The following VWC2L variants were observed in gnomAD, a reference collection of about 807,000 sequenced individuals.
VWC2L encodes von Willebrand factor C domain-containing protein 2-like.
Under a neutral mutation model 21.6 loss-of-function variants are expected in VWC2L, and 10 were observed. The observed-to-expected ratio is 0.46, with a 90% confidence interval of 0.29 to 0.78. VWC2L has a LOEUF of 0.78. Among genes scored for constraint, VWC2L ranks in the 30% least tolerant of loss-of-function variants. The probability of loss-of-function intolerance (pLI) is 0.10; values close to 1 mark genes in which losing one functional copy is unlikely to be tolerated. For missense variants in VWC2L, 209 were observed against 277.1 expected (o/e 0.75, Z 1.74); for synonymous variants, 96 against 94.3 (o/e 1.02, Z -0.10).
chr2:214,570,542 T>G (rs1332860776), intron 3 of VWC2L, among the ~76,000 whole-genome samples: 1 of 151,980 alleles, frequency 6.6e-6, no homozygotes, highest in Non-Finnish European at 1.5e-5. Flanking sequence ...TCTTTGCATT[T>G]TTCATAGTGA....
In VWC2L at chr2:214,575,874, A is replaced by G; in HGVS notation, c.*54A>G. 6.4e-7 allele frequency: 1 copy of G among 1,557,528 alleles called. No individual in the cohort carries two copies. Among genetic ancestry groups the G allele is most frequent in the South Asian group, 1.2e-5 (1 of 84,498 alleles). On this transcript the variant is annotated 3_prime_UTR_variant, in exon 4 of 4. Coordinates refer to ENST00000312504, the MANE Select transcript of VWC2L (RefSeq NM_001080500.4). The stretch of plus-strand genomic sequence containing the variant: ...TAGGAAAGGATGCTATGGCTTCAAC[A>G]CTGCACATGTTTAACACAAAACAAA...
rs372154293 is a variant in VWC2L at position 214,567,329 on chromosome 2, T to C, written c.521-8343T>C. On this transcript the variant is annotated intron_variant, in intron 3 of 3. Transcript: ENST00000312504. ...ACAAACAACAGAGCAGGGTATCTAGTACTGAAAGATCAGATCTCTGTAACA... is the reference window on the plus strand; with the variant it reads ...ACAAACAACAGAGCAGGGTATCTAGCACTGAAAGATCAGATCTCTGTAACA... Among the ~76,000 whole-genome samples the C allele has an allele frequency of 6.6e-5, 10 of 152,194 alleles. No homozygotes were observed. In the East Asian group the frequency reaches 1.7e-3, roughly 26 times the overall value.
At chr2:214,483,235 A>G (rs1355503661) in intron 3 of VWC2L, among the ~76,000 whole-genome samples, 2 of 152,164 alleles carry the variant, frequency 1.3e-5, no homozygotes, top group Non-Finnish European at 2.9e-5. Context: ...ATGGAGTGCA[A>G]ACTAAGAGTA....
At chr2:214,567,615 GATA>G in intron 3 of VWC2L, among the ~76,000 whole-genome samples, 1 of 131,962 alleles carries the variant, frequency 7.6e-6, no homozygotes, top group South Asian at 2.5e-4. Context: ...GAGAGAGAGA[GATA>G]ATTAAAACAT....
intron 3 of VWC2L, among the ~76,000 whole-genome samples, chr2:214,571,697 C>T (rs1690151504): frequency 6.6e-6 from 1 of 152,186 alleles, no homozygotes; most frequent in Non-Finnish European, 1.5e-5. Context: ...TAAACCATAC[C>T]TGACAGATAA....
chr2:214,515,169 A>G (rs1403693865), intron 3 of VWC2L, among the ~76,000 whole-genome samples: 1 of 152,194 alleles, frequency 6.6e-6, no homozygotes, highest in Non-Finnish European at 1.5e-5. Context: ...GAGAAGGAAT[A>G]TGGTATGATT....
At chr2:214,555,901 ATGT>A (rs1343851633) in intron 3 of VWC2L, among the ~76,000 whole-genome samples, 1 of 152,180 alleles carries the variant, frequency 6.6e-6, no homozygotes, top group African/African-American at 2.4e-5. Context: ...TTGGAAATAA[ATGT>A]TGTTGTCTAA....
At chr2:214,454,613 T>TTTTG in intron 3 of VWC2L, among the ~76,000 whole-genome samples, 1 of 138,376 alleles carries the variant, frequency 7.2e-6, no homozygotes, top group African/African-American at 2.7e-5. Context: ...TTTTTTTTTT[T>TTTTG]TTTTTTTTGA....
rs1688729468 is a variant in VWC2L at position 214,490,376 on chromosome 2, A to AAACC, written c.520+53618_520+53619insAACC. Among the ~76,000 whole-genome samples the AAACC allele has an allele frequency of 2.6e-5, 4 of 151,782 alleles. No individual in the cohort carries two copies. In the South Asian group the frequency reaches 8.4e-4, roughly 32 times the overall value. On this transcript the variant is annotated intron_variant, in intron 3 of 3. Coordinates refer to ENST00000312504, the MANE Select transcript of VWC2L (RefSeq NM_001080500.4). ...AATTTCTAGGAAAGGTTTCTGACTG[A>AAACC]TTCAGTGTAGATCATATGTCTACCC...
At chr2:214,535,924 T>G (rs1689520632) in intron 3 of VWC2L, among the ~76,000 whole-genome samples, 1 of 152,030 alleles carries the variant, frequency 6.6e-6, no homozygotes, top group South Asian at 2.1e-4. Context: ...ATACATTACC[T>G]CAGTTTTCAG....
At chr2:214,468,343 T>C (rs1703255998) in intron 3 of VWC2L, among the ~76,000 whole-genome samples, 1 of 152,188 alleles carries the variant, frequency 6.6e-6, no homozygotes, top group South Asian at 2.1e-4. Context: ...TTACCTTTTA[T>C]GTATATGAGG....
intron 3 of VWC2L, among the ~76,000 whole-genome samples, chr2:214,465,849 T>C (rs1703208754): frequency 6.6e-6 from 1 of 152,208 alleles, no homozygotes; most frequent in South Asian, 2.1e-4. Flanking sequence ...GCTTCCTCTG[T>C]GGAATTCAGA....
intron 3 of VWC2L, among the ~76,000 whole-genome samples, chr2:214,559,324 T>A (rs1276215548): frequency 4.6e-5 from 7 of 152,122 alleles, no homozygotes; most frequent in African/African-American, 1.7e-4. Context: ...CAACCAACTA[T>A]AGTTTTTTAA....
intron 3 of VWC2L, among the ~76,000 whole-genome samples, 169 bp from the exon 4 acceptor site, chr2:214,575,503 C>T (rs1406799921): frequency 6.6e-6 from 1 of 152,070 alleles, no homozygotes; most frequent in East Asian, 1.9e-4. Context: ...CAAAAGGTAG[C>T]AGAGTTGCAA....
chr2:214,524,961 T>G, intron 3 of VWC2L, among the ~76,000 whole-genome samples: 1 of 150,094 alleles, frequency 6.7e-6, no homozygotes. Context: ...TTTAGAAATG[T>G]CAAGTACAAG....
chr2:214,573,668 A>T (rs1340006174), intron 3 of VWC2L, among the ~76,000 whole-genome samples: 1 of 151,972 alleles, frequency 6.6e-6, no homozygotes, highest in Non-Finnish European at 1.5e-5. Context: ...TTCTCTGAAG[A>T]CTCCCTCAGT....
chr2:214,469,765 T>C (rs915833683), intron 3 of VWC2L, among the ~76,000 whole-genome samples: 1 of 152,208 alleles, frequency 6.6e-6, no homozygotes, highest in Non-Finnish European at 1.5e-5. Context: ...ATTTCATCTA[T>C]TTAAAGATTC....
rs1376038909 is a variant in VWC2L, at chr2:214,411,255, G to A, written c.-612G>A. Reference sequence around the variant, plus strand: ...ATCCACAGTTAGTATTTTCCGGTGTGTAAGAGGGGATTCAAGCAACACACT... The same window carrying A: ...ATCCACAGTTAGTATTTTCCGGTGTATAAGAGGGGATTCAAGCAACACACT... On this transcript the variant is annotated 5_prime_UTR_variant, in exon 1 of 4. Transcript: ENST00000312504. 2.0e-5 allele frequency: 3 copies of A among 152,232 alleles called. No homozygotes were observed. Among genetic ancestry groups the A allele is most frequent in the Non-Finnish European group, 2.9e-5 (2 of 68,074 alleles). The allele number at this position is 152,232 out of a possible 1,614,324, so 9.4% of individuals were successfully genotyped here.
intron 3 of VWC2L, among the ~76,000 whole-genome samples, chr2:214,505,454 C>T (rs1044586547): frequency 6.6e-6 from 1 of 151,996 alleles, no homozygotes; most frequent in Non-Finnish European, 1.5e-5. Context: ...AGCTTTTGTT[C>T]CATGTGTTCA....
Sources: gnomAD v4.1 joint callset for allele counts (sites outside exome capture counted in the v4.1 genomes callset) on GRCh38, gnomAD v4.1.1 for gene constraint, MANE v1.5 for transcripts, NCBI Gene and HGNC (gene_info 2026-07-23, HGNC 2026-07-21) for gene names.